Variants in LDHA observed in about 807,000 individuals in gnomAD.
LDHA encodes the protein L-lactate dehydrogenase A chain.
LDHA carries 10 observed loss-of-function variants against 36.3 expected under a neutral mutation model. The ratio of observed to expected loss-of-function variants is 0.28; its 90% CI spans 0.17 to 0.47. The LOEUF is 0.47. LDHA is among the 20% of genes least tolerant of loss of function. LDHA has a pLI of 0.99. For synonymous variants in LDHA, 110 were observed against 136.7 expected, an observed-to-expected ratio of 0.80 and a Z score of 1.36; for missense variants, 267 against 405.8, an observed-to-expected ratio of 0.66 and a Z score of 2.94.
At chr11:18,396,719 T>C (rs1273777734) in intron 1 of LDHA, 100 bp from the exon 2 acceptor site, 11 of 1,380,590 alleles carry the variant, frequency 8.0e-6, no homozygotes, top group Non-Finnish European at 1.1e-5. Context: ...TGATTTATAG[T>C]GGCAAATACC....
intron 1 of LDHA, 29 bp from the exon 2 acceptor site, chr11:18,396,790 A>AG: frequency 1.9e-6 from 3 of 1,563,362 alleles, no homozygotes; most frequent in Non-Finnish European, 2.6e-6. Context: ...AAGAAGCTGT[A>AG]GTGACACTAA....
At chr11:18,399,738 G>A (rs1394305213) in intron 3 of LDHA, 190 bp downstream of exon 3, 1 of 601,644 alleles carries the variant, frequency 1.7e-6, no homozygotes, top group Non-Finnish European at 3.0e-6. Context: ...TGGGACTATA[G>A]GGTATGCTAC....
In LDHA at chr11:18,394,598, TG is replaced by T. The variant is rs1320733711; in HGVS notation, c.-62del. ...CGCTGCCGCCGATTCCGGATCTCAT[TG>T]CCACGCGCCCCCGACGACCGCCCGA... On this transcript the variant is annotated 5_prime_UTR_variant, in exon 1 of 8. Transcript: ENST00000422447. 2.2e-6 allele frequency: 1 copy of T among 453,996 alleles called. No homozygotes were observed. The highest frequency in any genetic ancestry group is 2.3e-5 in the Admixed American group (1 of 42,564). The allele number at this position is 453,996 out of a possible 1,614,324, so 28.1% of individuals were successfully genotyped here.
intron 2 of LDHA, chr11:18,399,189 G>A (rs760025659): frequency 3.1e-5 from 15 of 478,208 alleles, no homozygotes; most frequent in Non-Finnish European, 5.4e-5. Context: ...TGCAGTGGTG[G>A]AACTCCTATA....
chr11:18,395,409 T>A (rs1349281923), intron 1 of LDHA: 1 of 141,948 alleles, frequency 7.0e-6, no homozygotes, highest in South Asian at 2.2e-4. Flanking sequence ...CGTTTTTGCA[T>A]GTCTCTCGCC....
At chr11:18,404,732 C>T (rs988671752) in intron 6 of LDHA, among the ~76,000 whole-genome samples, 8 of 148,038 alleles carry the variant, frequency 5.4e-5, no homozygotes, top group Admixed American at 2.8e-4. Context: ...GGCATGAACC[C>T]GGTAGTTGGA....
chr11:18,396,425 T>C (rs888722207), intron 1 of LDHA: 1 of 434,308 alleles, frequency 2.3e-6, no homozygotes, highest in Non-Finnish European at 3.9e-6. Flanking sequence ...TTAATGGCTT[T>C]TCTGCACGTA....
chr11:18,395,055 G>A, intron 1 of LDHA: 1 of 200,976 alleles, frequency 5.0e-6, no homozygotes, highest in Admixed American at 5.3e-5. Context: ...TGTCCGGGGC[G>A]GGTTCTTGAA....
chr11:18,401,935 TTG>T (rs1866518023), intron 4 of LDHA, among the ~76,000 whole-genome samples: 1 of 149,546 alleles, frequency 6.7e-6, no homozygotes, highest in Non-Finnish European at 1.5e-5. Context: ...AGGGATAAGT[TTG>T]TGAATAATTG....
At chr11:18,403,361 T>C (rs542603354) in intron 5 of LDHA, among the ~76,000 whole-genome samples, 1 of 152,182 alleles carries the variant, frequency 6.6e-6, no homozygotes, top group South Asian at 2.1e-4. Flanking sequence ...ACAAAAGTTA[T>C]ATTATCACAG....
At chr11:18,405,066 A>G (rs905343342) in intron 6 of LDHA, among the ~76,000 whole-genome samples, 1 of 152,076 alleles carries the variant, frequency 6.6e-6, no homozygotes, top group Non-Finnish European at 1.5e-5. Flanking sequence ...GATAATCCTG[A>G]GTTAAGGATG....
chr11:18,399,559 A>G lies in LDHA; in HGVS notation c.244+11A>G. 6.6e-7 allele frequency: 1 copy of G among 1,524,318 alleles called. No individual in the cohort carries two copies. The allele number at this position is 1,524,318 out of a possible 1,614,324, so 94.4% of individuals were successfully genotyped here. On this transcript the variant is annotated intron_variant, in intron 3 of 7. Coordinates refer to ENST00000422447, the MANE Select transcript of LDHA (RefSeq NM_005566.4). ...TTGTCTCTGGCAAAGGTTGATTTCA[A>G]CAAGTTTATATTATAATCCATGCTT...
Position 18,407,939 on chromosome 11 carries a change from C to A in LDHA, c.*658C>A. ...GAAATATTAGGCTATTCTTGGGCAA[C>A]CCTGCAACGATTTTTTCTAACAGGG... is the stretch of plus-strand genomic sequence containing the variant. On this transcript the variant is annotated 3_prime_UTR_variant, in exon 8 of 8. Coordinates refer to ENST00000422447, the MANE Select transcript of LDHA (RefSeq NM_005566.4). The A allele has an allele frequency of 2.2e-6, 1 of 454,062 alleles. No individual in the cohort carries two copies. The highest frequency in any genetic ancestry group is 1.6e-5 in the South Asian group (1 of 64,472). 28.1% of individuals were successfully genotyped at this position (454,062 alleles called of 1,614,324 possible).
Position 18,399,448 on chromosome 11 carries a change from T to G in LDHA, c.144T>G (p.Leu48=). ...SILMKDLADE[L]ALVDVIEDKL... ...TCTTTTAGGACTTGGCAGATGAACTTGCTCTTGTTGATGTCATCGAAGACA... is the reference window on the plus strand; with the variant it reads ...TCTTTTAGGACTTGGCAGATGAACTGGCTCTTGTTGATGTCATCGAAGACA... The change falls in exon 3 of 8, where the codon CTT becomes CTG. Residue 48 remains leucine (L), a synonymous_variant. Coordinates refer to ENST00000422447, the MANE Select transcript of LDHA (RefSeq NM_005566.4). 2 of 1,612,448 alleles carry G rather than the reference T, an allele frequency of 1.2e-6. No individual in the cohort carries two copies. Among genetic ancestry groups the G allele is most frequent in the South Asian group, 1.1e-5 (1 of 91,044 alleles).
intron 5 of LDHA, 81 bp downstream of exon 5, chr11:18,403,094 T>A: frequency 8.8e-7 from 1 of 1,138,864 alleles, no homozygotes; most frequent in Non-Finnish European, 1.3e-6. Flanking sequence ...AATTAGAGCC[T>A]AATCAAATAT....
intron 2 of LDHA, chr11:18,397,223 G>T (rs1866334351): frequency 3.1e-6 from 1 of 319,422 alleles, no homozygotes; most frequent in Non-Finnish European, 5.7e-6. Flanking sequence ...AACATGCATG[G>T]ATTGACTACC....
At chr11:18,402,340 G>A (rs1269150716) in intron 4 of LDHA, among the ~76,000 whole-genome samples, 1 of 151,962 alleles carries the variant, frequency 6.6e-6, no homozygotes, top group Non-Finnish European at 1.5e-5. Context: ...TCACTCTGTC[G>A]CCCAAGCTGG....
intron 1 of LDHA, chr11:18,396,588 C>CG (rs1351093560): frequency 2.9e-6 from 4 of 1,383,456 alleles, no homozygotes; most frequent in Non-Finnish European, 3.7e-6. Context: ...ACCCAAACGT[C>CG]GATATTCCTT....
In LDHA at chr11:18,407,499, A is replaced by G. The variant is rs778945997; in HGVS notation, c.*218A>G. The G allele has an allele frequency of 4.2e-6, 4 of 954,596 alleles. No homozygotes were observed. The highest frequency in any genetic ancestry group is 2.8e-5 in the South Asian group (2 of 71,532). 59.1% of individuals were successfully genotyped at this position (954,596 alleles called of 1,614,324 possible). A position where few individuals can be genotyped will look rare whatever the true frequency, so the allele number is the denominator to read the frequency against. On this transcript the variant is annotated 3_prime_UTR_variant, in exon 8 of 8. Coordinates refer to ENST00000422447, the MANE Select transcript of LDHA (RefSeq NM_005566.4). The stretch of plus-strand genomic sequence containing the variant: ...TGGTATTAATCTTGTGTAGTCTTCA[A>G]CTGGTTAGTGTGAAATAGTTCTGCC...
Sources: gnomAD v4.1 joint callset for allele counts (sites outside exome capture counted in the v4.1 genomes callset) on GRCh38, gnomAD v4.1.1 for gene constraint, MANE v1.5 for transcripts, NCBI Gene and HGNC (gene_info 2026-07-23, HGNC 2026-07-21) for gene names.